KLHL6: variants seen among roughly 807,000 people sequenced by gnomAD.
The protein encoded by KLHL6 is kelch like family member 6.
A neutral mutation model predicts 58.6 loss-of-function variants in KLHL6; 41 were observed. That is an observed-to-expected ratio of 0.70 (90% CI 0.55 to 0.91). The LOEUF (loss-of-function observed/expected upper bound fraction) is 0.91, where lower values mean the gene tolerates loss of function less well. Ranked by LOEUF, KLHL6 falls within the 40% of genes least tolerant of loss-of-function variation. The pLI is 0.00. For missense variants in KLHL6, 714 were observed against 805.6 expected, an observed-to-expected ratio of 0.89 and a Z score of 1.38; for synonymous variants, 338 against 322.7, an observed-to-expected ratio of 1.05 and a Z score of -0.51.
intron 4 of KLHL6, among the ~76,000 whole-genome samples, chr3:183,495,298 T>A (rs958420058): frequency 4.6e-5 from 7 of 152,278 alleles, no homozygotes; most frequent in African/African-American, 1.7e-4. Context: ...GTGGTGGTGG[T>A]TTTGTTTTCT....
intron 5 of KLHL6, chr3:183,493,631 G>A (rs1038546860): frequency 6.1e-6 from 1 of 165,278 alleles, no homozygotes; most frequent in Non-Finnish European, 1.3e-5. Flanking sequence ...ATCATCCATG[G>A]GAAAATAAAG....
chr3:183,547,721 C>G (rs1712772112), intron 1 of KLHL6, among the ~76,000 whole-genome samples: 1 of 152,122 alleles, frequency 6.6e-6, no homozygotes, highest in Non-Finnish European at 1.5e-5. Context: ...TTTTCAGGCA[C>G]TTTGCTGGAT....
At chr3:183,493,341 A>G (rs749115698) in intron 5 of KLHL6, 7 of 155,210 alleles carry the variant, frequency 4.5e-5, no homozygotes, top group African/African-American at 1.7e-4. Context: ...GATCCTGGGC[A>G]TGTCCCCCAT....
intron 3 of KLHL6, among the ~76,000 whole-genome samples, chr3:183,503,871 A>G (rs533412525): frequency 6.6e-6 from 1 of 152,300 alleles, no homozygotes; most frequent in South Asian, 2.1e-4. Context: ...ACGGGGAGAA[A>G]TGTGTTCACA....
chr3:183,508,525 G>A lies in KLHL6; in HGVS notation c.460-17C>T, dbSNP rs1372594989. The A allele has an allele frequency of 6.2e-7, 1 of 1,603,122 alleles. No homozygotes were observed. Among genetic ancestry groups the A allele is most frequent in the Non-Finnish European group, 8.5e-7 (1 of 1,174,318 alleles). On this transcript the variant is annotated splice_polypyrimidine_tract_variant and intron_variant, in intron 2 of 6. Transcript: ENST00000341319. ...CCGCAGGAACTGATGAAATAGAAAG[G>A]GTGGAAAGGAGGCCAGAAAATGGTG...
At chr3:183,531,441 GTGTTTTTTTT>G (rs1437873283) in intron 1 of KLHL6, among the ~76,000 whole-genome samples, 4 of 102,100 alleles carry the variant, frequency 3.9e-5, no homozygotes, top group Non-Finnish European at 8.7e-5. Context: ...TTTTTTGTCT[GTGTTTTTTTT>G]TTTTTTTTTT....
rs551658569 is a variant in KLHL6, at chr3:183,542,734, T to A, written c.293+12627A>T. Among the ~76,000 whole-genome samples, 4 of 152,310 alleles carry A rather than the reference T, an allele frequency of 2.6e-5. No individual in the cohort carries two copies. In the East Asian group the frequency reaches 7.7e-4, roughly 29 times the overall value. On this transcript the variant is annotated intron_variant, in intron 1 of 6. Transcript: ENST00000341319. ...TACAGTAAACATCAATTTACTTATC[T>A]CTCTGTCCTAACTAGATGATGATTT...
At chr3:183,511,739 C>T (rs1718191681) in intron 2 of KLHL6, among the ~76,000 whole-genome samples, 1 of 152,144 alleles carries the variant, frequency 6.6e-6, no homozygotes, top group African/African-American at 2.4e-5. Context: ...GCCCTAGATC[C>T]CTTAAACCTT....
intron 2 of KLHL6, among the ~76,000 whole-genome samples, chr3:183,515,529 C>T (rs748506551): frequency 1.3e-4 from 20 of 152,030 alleles, no homozygotes; most frequent in South Asian, 2.1e-4. Context: ...GCCTGGGTGA[C>T]GGAGCAAGAC....
chr3:183,523,262 A>G (rs1711832491), intron 2 of KLHL6: 1 of 152,320 alleles, frequency 6.6e-6, no homozygotes, highest in Non-Finnish European at 1.5e-5. Context: ...AACCCAGGCC[A>G]TCAAGTCAGA....
intron 2 of KLHL6, among the ~76,000 whole-genome samples, chr3:183,515,887 C>T (rs1295387644): frequency 6.6e-6 from 1 of 152,220 alleles, no homozygotes; most frequent in Non-Finnish European, 1.5e-5. Flanking sequence ...GTGCTAGACA[C>T]ATTCCCAGTC....
intron 4 of KLHL6, among the ~76,000 whole-genome samples, chr3:183,498,842 G>GT (rs1351693834): frequency 2.6e-5 from 4 of 152,336 alleles, no homozygotes; most frequent in African/African-American, 9.6e-5. Flanking sequence ...TAATGAAAAA[G>GT]TATTGGGCCC....
intron 5 of KLHL6, 171 bp downstream of exon 5, chr3:183,493,908 T>C: frequency 1.5e-6 from 1 of 665,924 alleles, no homozygotes; most frequent in African/African-American, 1.8e-5. Context: ...TGATCAGCAA[T>C]ACTGAAGCAA....
chr3:183,527,854 GT>G lies in KLHL6; in HGVS notation c.449del (p.Asn150ThrfsTer20). 1 of 1,613,938 alleles carries G rather than the reference GT, an allele frequency of 6.2e-7. No homozygotes were observed. Among genetic ancestry groups the G allele is most frequent in the Non-Finnish European group, 8.5e-7 (1 of 1,179,968 alleles). ...QNVQRVLEAA[N>X]LFQFLRMVDA... ...CAGTTTGTTCACACACCTGGAAGAG[GT>G]TAGCAGCCTCCAGGACCCGCTGGAC... On this transcript the variant is annotated frameshift_variant, in exon 2 of 7. Transcript: ENST00000341319. LOFTEE classifies it high-confidence loss of function.
At chr3:183,501,877 C>T (rs947246326) in intron 3 of KLHL6, among the ~76,000 whole-genome samples, 4 of 152,226 alleles carry the variant, frequency 2.6e-5, no homozygotes, top group Non-Finnish European at 4.4e-5. Context: ...CGGCCCTTTT[C>T]ATGCTTCATT....
At chr3:183,540,539 T>G (rs568682515) in intron 1 of KLHL6, among the ~76,000 whole-genome samples, 49 of 152,264 alleles carry the variant, frequency 3.2e-4, no homozygotes, top group Admixed American at 2.5e-3. Flanking sequence ...ATTCTCTGAA[T>G]TGGAACTCCA....
chr3:183,550,451 A>G (rs1463580186), intron 1 of KLHL6, among the ~76,000 whole-genome samples: 4 of 152,064 alleles, frequency 2.6e-5, no homozygotes, highest in Admixed American at 2.6e-4. Flanking sequence ...ACGCACACAC[A>G]CACCCCTCCA....
intron 1 of KLHL6, among the ~76,000 whole-genome samples, chr3:183,550,949 T>C (rs1163802103): frequency 2.0e-5 from 3 of 151,572 alleles, no homozygotes; most frequent in Admixed American, 2.0e-4. Context: ...TGAAATCCTG[T>C]CTGTACTAAA....
At chr3:183,539,277 A>G (rs1308749828) in intron 1 of KLHL6, among the ~76,000 whole-genome samples, 1 of 152,198 alleles carries the variant, frequency 6.6e-6, no homozygotes, top group Non-Finnish European at 1.5e-5. Flanking sequence ...CCTTCCTAGA[A>G]TTCCATGAGG....
Sources: gnomAD v4.1 joint callset for allele counts (sites outside exome capture counted in the v4.1 genomes callset) on GRCh38, gnomAD v4.1.1 for gene constraint, MANE v1.5 for transcripts, NCBI Gene and HGNC (gene_info 2026-07-23, HGNC 2026-07-21) for gene names.